The following NDST4 variants were observed in gnomAD, a reference collection of about 807,000 sequenced individuals.
The protein encoded by NDST4 is N-deacetylase and N-sulfotransferase 4.
In NDST4, 63 loss-of-function variants were observed where a neutral mutation model predicts 100.8. The ratio of observed to expected loss-of-function variants is 0.62; its 90% CI spans 0.51 to 0.77. The LOEUF is 0.77. Ranked by LOEUF, NDST4 falls within the 30% of genes least tolerant of loss-of-function variation. The pLI, the probability that NDST4 is intolerant of heterozygous loss-of-function variation, is 0.00. For synonymous variants in NDST4, 377 were observed against 361.8 expected (o/e 1.04, Z -0.48); for missense variants, 943 against 1,018.4 (o/e 0.93, Z 1.01).
intron 6 of NDST4, among the ~76,000 whole-genome samples, chr4:114,919,410 A>G (rs1404839599): frequency 1.9e-4 from 29 of 152,222 alleles, no homozygotes; most frequent in Admixed American, 1.9e-3. Context: ...CTCTGAGGAG[A>G]TAACTTTTGA....
chr4:114,959,140 T>C (rs979163242), intron 4 of NDST4, among the ~76,000 whole-genome samples: 1 of 152,160 alleles, frequency 6.6e-6, no homozygotes, highest in African/African-American at 2.4e-5. Flanking sequence ...GGACTTCATT[T>C]TCCAGATCAC....
At chr4:114,960,305 G>T (rs568003007) in intron 4 of NDST4, among the ~76,000 whole-genome samples, 1 of 152,242 alleles carries the variant, frequency 6.6e-6, no homozygotes, top group East Asian at 1.9e-4. Context: ...AGAGTAATTT[G>T]AATCAACATA....
chr4:115,070,554 T>C (rs769362960), intron 2 of NDST4, among the ~76,000 whole-genome samples: 3 of 152,190 alleles, frequency 2.0e-5, no homozygotes, highest in Non-Finnish European at 4.4e-5. Context: ...ACATGAATAA[T>C]CTTTCTTATA....
chr4:114,852,624 A>G, intron 8 of NDST4, 101 bp downstream of exon 8: 2 of 656,938 alleles, frequency 3.0e-6, no homozygotes, highest in Non-Finnish European at 5.1e-6. Flanking sequence ...GGATAGCTAA[A>G]TATTTCACAA....
intron 2 of NDST4, among the ~76,000 whole-genome samples, chr4:114,987,171 C>CATACAT (rs1726933137): frequency 6.6e-6 from 1 of 152,024 alleles, no homozygotes; most frequent in African/African-American, 2.4e-5. Flanking sequence ...CCAAGAATAA[C>CATACAT]ATACATATAC....
At chr4:114,840,469 T>C (rs1217240298) in intron 10 of NDST4, among the ~76,000 whole-genome samples, 1 of 152,168 alleles carries the variant, frequency 6.6e-6, no homozygotes, top group Non-Finnish European at 1.5e-5. Flanking sequence ...ATATTTGACA[T>C]ATTTGATTAG....
intron 2 of NDST4, among the ~76,000 whole-genome samples, chr4:115,033,153 ATATATTTT>A (rs1281506499): frequency 4.6e-4 from 35 of 75,612 alleles, no homozygotes; most frequent in Non-Finnish European, 5.7e-4. Flanking sequence ...ATATATATAT[ATATATTTT>A]TTTTTTTTTT....
intron 2 of NDST4, among the ~76,000 whole-genome samples, chr4:115,019,126 T>A (rs1460976840): frequency 6.6e-6 from 1 of 152,082 alleles, no homozygotes; most frequent in Non-Finnish European, 1.5e-5. Flanking sequence ...GGTTTTTATT[T>A]AACTAATATA....
chr4:114,930,736 T>C (rs1251364043), intron 6 of NDST4, among the ~76,000 whole-genome samples: 1 of 152,112 alleles, frequency 6.6e-6, no homozygotes, highest in African/African-American at 2.4e-5. Flanking sequence ...GAGGACATGC[T>C]TTCCTAAGAC....
At chr4:114,879,257 A>G (rs939096107) in intron 6 of NDST4, among the ~76,000 whole-genome samples, 1 of 152,210 alleles carries the variant, frequency 6.6e-6, no homozygotes, top group Non-Finnish European at 1.5e-5. Flanking sequence ...GCAATAGGAA[A>G]CTAAAACTTA....
intron 7 of NDST4, 142 bp downstream of exon 7, chr4:114,870,626 A>C: frequency 1.7e-6 from 1 of 604,062 alleles, no homozygotes; most frequent in Non-Finnish European, 2.5e-6. Context: ...TTGTTGAGGA[A>C]GAGGATAAAA....
Position 114,848,323 on chromosome 4 carries a change from T to G in NDST4, c.1832A>C (p.Tyr611Ser), listed in dbSNP as rs762831769. The G allele has an allele frequency of 1.9e-6, 3 of 1,595,138 alleles. No individual in the cohort carries two copies. The highest frequency in any genetic ancestry group is 2.6e-6 in the Non-Finnish European group (3 of 1,171,038). Residue 611 changes from tyrosine to serine, a missense_variant, in exon 9 of 14, where the codon TAT becomes TCT. Tyr to Ser is a moderately radical substitution (Grantham distance 144). Around this residue, in one of 2 missense-constraint regions of NDST4, gnomAD observed 526 missense variants for 634.1 expected, o/e 0.83. Coordinates refer to ENST00000264363, the MANE Select transcript of NDST4 (RefSeq NM_022569.3). ...GPQKTGTTALYLFLLMHPSII... is the reference protein window; with the variant it reads ...GPQKTGTTALSLFLLMHPSII... Reference sequence around the variant, plus strand: ...TGAAGGATGCATAAGAAGAAATAAATAAAGTGCAGTTGTTCCTGTTACAAA... The same window carrying G: ...TGAAGGATGCATAAGAAGAAATAAAGAAAGTGCAGTTGTTCCTGTTACAAA...
At chr4:114,978,770 C>T (rs774301609) in intron 2 of NDST4, among the ~76,000 whole-genome samples, 1 of 151,722 alleles carries the variant, frequency 6.6e-6, no homozygotes, top group Non-Finnish European at 1.5e-5. Context: ...AAAAAAATTT[C>T]TCCCGTCTGC....
In NDST4 at chr4:115,007,788, C is replaced by A. The variant is rs572039223; in HGVS notation, c.979-30514G>T. 1.5e-4 allele frequency among the ~76,000 whole-genome samples: 19 copies of A among 129,486 alleles called. 2 individuals carry two copies. Among genetic ancestry groups the A allele is most frequent in the South Asian group, 6.0e-4 (2 of 3,360 alleles). The allele number at this position is 129,486 out of a possible 152,430, so 84.9% of individuals were successfully genotyped here. On this transcript the variant is annotated intron_variant, in intron 2 of 13. Coordinates refer to ENST00000264363, the MANE Select transcript of NDST4 (RefSeq NM_022569.3). The stretch of plus-strand genomic sequence containing the variant: ...CTGGAATATGTTCAGCAGGTCCAAG[C>A]ATTTCCCTTTGCTTCTCTGAAAGAA...
chr4:115,082,720 T>G (rs985032647), intron 1 of NDST4, among the ~76,000 whole-genome samples: 19 of 152,192 alleles, frequency 1.2e-4, no homozygotes, highest in African/African-American at 4.6e-4. Context: ...ATTTAGAAGG[T>G]TTAAGAACGG....
At position 114,854,210 on chromosome 4, in the gene NDST4, G is replaced by A. The variant is rs1463279903; in HGVS notation, c.1720-1389C>T. Among the ~76,000 whole-genome samples the A allele has an allele frequency of 2.6e-5, 4 of 152,202 alleles. No homozygotes were observed. The East Asian group carries it at 5.8e-4, about 22-fold the overall frequency. On this transcript the variant is annotated intron_variant, in intron 7 of 13. Transcript: ENST00000264363. The stretch of plus-strand genomic sequence containing the variant: ...GTTTTAATTTTAAGTTCTCACAAAT[G>A]CATGAGAACATGTGAAGTTTGCCTT...
intron 12 of NDST4, among the ~76,000 whole-genome samples, chr4:114,832,913 A>T (rs1449800049): frequency 6.6e-6 from 1 of 152,212 alleles, no homozygotes; most frequent in Admixed American, 6.5e-5. Context: ...TCCAGGATTC[A>T]GAGACGTGAG....
chr4:115,110,608 T>A (rs1729934235), intron 1 of NDST4, among the ~76,000 whole-genome samples: 1 of 151,946 alleles, frequency 6.6e-6, no homozygotes, highest in South Asian at 2.1e-4. Flanking sequence ...TCCATATGTG[T>A]CATTTCTGAT....
intron 2 of NDST4, among the ~76,000 whole-genome samples, chr4:115,010,889 T>C (rs1428375724): frequency 6.6e-6 from 1 of 152,058 alleles, no homozygotes; most frequent in East Asian, 1.9e-4. Context: ...TAAAAAGTTA[T>C]TGCTTAAAAA....
Sources: allele counts gnomAD v4.1 joint callset (sites outside exome capture counted in the v4.1 genomes callset), GRCh38; gene constraint gnomAD v4.1.1; regional missense constraint gnomAD v4.1.1; transcripts MANE v1.5; gene names NCBI Gene and HGNC (gene_info 2026-07-23, HGNC 2026-07-21).